Variants in HPSE2 observed in about 807,000 individuals in gnomAD.
HPSE2 encodes the protein heparanase 2 (inactive).
A neutral mutation model predicts 60.5 loss-of-function variants in HPSE2; 38 were observed. That is an observed-to-expected ratio of 0.63 (90% CI 0.48 to 0.82). The LOEUF is 0.82. Ranked by LOEUF, HPSE2 falls within the 40% of genes least tolerant of loss-of-function variation. The pLI, the probability that HPSE2 is intolerant of heterozygous loss-of-function variation, is 0.00. For missense variants in HPSE2, 713 were observed against 740.4 expected, an observed-to-expected ratio of 0.96 and a Z score of 0.43; for synonymous variants, 295 against 293.2, an observed-to-expected ratio of 1.01 and a Z score of -0.06.
chr10:98,879,595 T>C (rs1156956768), intron 3 of HPSE2, among the ~76,000 whole-genome samples: 1 of 151,994 alleles, frequency 6.6e-6, no homozygotes, highest in East Asian at 1.9e-4. Flanking sequence ...ATGTGTATCC[T>C]GGCAAAATAA....
At chr10:99,285,476 A>AAGGGAGGG in the HPSE2 span, among the ~76,000 whole-genome samples, 4,718 of 96,946 alleles carry the variant, frequency 0.049, 328 homozygotes, top group African/African-American at 0.16. Context: ...GGAAGGAAGG[A>AAGGGAGGG]AGGGAGGGAG....
rs549134615 is a variant in HPSE2 at position 98,910,768 on chromosome 10, C to T, written c.611-166712G>A. ...AGATCTTGAACTCATGTCGGCTGAT[C>T]ATATCCAGTTGTTTTCCACTATACC... On this transcript the variant is annotated intron_variant, in intron 3 of 11. Transcript: ENST00000370552. 7.9e-5 allele frequency among the ~76,000 whole-genome samples: 12 copies of T among 152,236 alleles called. No homozygotes were observed. In the East Asian group the frequency reaches 2.3e-3, roughly 29 times the overall value.
chr10:98,803,145 T>C (rs1950957006), intron 3 of HPSE2, among the ~76,000 whole-genome samples: 1 of 151,882 alleles, frequency 6.6e-6, no homozygotes, highest in African/African-American at 2.4e-5. Context: ...GTTCATGTCC[T>C]TTGCCCACTT....
At chr10:99,052,689 T>A (rs1438505566) in intron 3 of HPSE2, among the ~76,000 whole-genome samples, 1 of 151,646 alleles carries the variant, frequency 6.6e-6, no homozygotes, top group African/African-American at 2.4e-5. Flanking sequence ...ACATCACATA[T>A]AAAGGAGGAA....
the HPSE2 span, among the ~76,000 whole-genome samples, chr10:99,311,740 A>G: frequency 6.6e-6 from 1 of 152,226 alleles, no homozygotes; most frequent in Non-Finnish European, 1.5e-5. Context: ...CACATCTTTC[A>G]CTTTGAATCA....
At chr10:99,132,202 AGAGAGAGAGAGAGAGAGAG>A (rs1845445325) in intron 3 of HPSE2, among the ~76,000 whole-genome samples, 1 of 19,658 alleles carries the variant, frequency 5.1e-5, no homozygotes, top group African/African-American at 8.4e-5. Context: ...AGAGAGAGAG[AGAGAGAGAGAGAGAGAGAG>A]AGAGAGAGAG....
intron 3 of HPSE2, among the ~76,000 whole-genome samples, chr10:98,938,798 T>C (rs1345644866): frequency 7.0e-6 from 1 of 142,614 alleles, no homozygotes; most frequent in Non-Finnish European, 1.5e-5. Context: ...TTCACCAAAG[T>C]TGAAATGAAG....
intron 3 of HPSE2, among the ~76,000 whole-genome samples, chr10:99,069,602 C>T (rs1286801286): frequency 6.6e-6 from 1 of 150,538 alleles, no homozygotes; most frequent in Non-Finnish European, 1.5e-5. Context: ...TTGTTACACG[C>T]TCACTACAGT....
intron 3 of HPSE2, among the ~76,000 whole-genome samples, chr10:98,906,042 G>A (rs1330380261): frequency 6.6e-6 from 1 of 152,130 alleles, no homozygotes; most frequent in Non-Finnish European, 1.5e-5. Flanking sequence ...AGGTCTTGCT[G>A]CCTGCATCCA....
At chr10:98,556,136 A>G (rs911707815) in intron 9 of HPSE2, among the ~76,000 whole-genome samples, 22 of 152,192 alleles carry the variant, frequency 1.4e-4, no homozygotes, top group Non-Finnish European at 2.5e-4. Flanking sequence ...GACAGTGATA[A>G]AGAAAGGGGT....
At chr10:98,683,631 A>C (rs1210939168) in intron 6 of HPSE2, among the ~76,000 whole-genome samples, 1 of 151,948 alleles carries the variant, frequency 6.6e-6, no homozygotes, top group Non-Finnish European at 1.5e-5. Flanking sequence ...AAGGAGGTTT[A>C]TCAGAAAAGA....
chr10:98,599,936 T>C (rs1336403967), intron 9 of HPSE2, among the ~76,000 whole-genome samples: 1 of 152,196 alleles, frequency 6.6e-6, no homozygotes, highest in African/African-American at 2.4e-5. Context: ...GTCATTACAT[T>C]GATGTGTAGT....
chr10:99,275,317 A>C, the HPSE2 span, among the ~76,000 whole-genome samples: 1 of 152,052 alleles, frequency 6.6e-6, no homozygotes, highest in Non-Finnish European at 1.5e-5. Context: ...TCTTTAGTAC[A>C]TCTCTGTTTT....
At chr10:99,059,484 G>A (rs1589591424) in intron 3 of HPSE2, among the ~76,000 whole-genome samples, 1 of 152,142 alleles carries the variant, frequency 6.6e-6, no homozygotes, top group East Asian at 1.9e-4. Flanking sequence ...AGAAAAAGTA[G>A]TCTCTTGGTG....
intron 3 of HPSE2, among the ~76,000 whole-genome samples, chr10:98,757,512 A>T (rs1255220953): frequency 1.3e-5 from 2 of 152,140 alleles, no homozygotes. Flanking sequence ...ATATACAAAA[A>T]TCAGTAGGAT....
intron 3 of HPSE2, among the ~76,000 whole-genome samples, chr10:98,864,615 T>C (rs991545799): frequency 6.6e-6 from 1 of 152,166 alleles, no homozygotes; most frequent in African/African-American, 2.4e-5. Context: ...AAGGACTGAG[T>C]GGAAACACTA....
intron 9 of HPSE2, among the ~76,000 whole-genome samples, chr10:98,514,438 A>ATG (rs1942522789): frequency 6.6e-6 from 1 of 152,186 alleles, no homozygotes; most frequent in Non-Finnish European, 1.5e-5. Flanking sequence ...TGTTATATAT[A>ATG]TTTTACCACA....
At chr10:99,028,087 G>T (rs1957418376) in intron 3 of HPSE2, among the ~76,000 whole-genome samples, 1 of 152,080 alleles carries the variant, frequency 6.6e-6, no homozygotes, top group Non-Finnish European at 1.5e-5. Flanking sequence ...CTAAGATTTG[G>T]AACATGACAA....
intron 9 of HPSE2, among the ~76,000 whole-genome samples, chr10:98,535,819 C>A (rs1255903524): frequency 6.6e-6 from 1 of 152,170 alleles, no homozygotes; most frequent in Admixed American, 6.5e-5. Context: ...CAGATGAGAA[C>A]CAGGCACTGG....
Sources: allele counts gnomAD v4.1 joint callset (sites outside exome capture counted in the v4.1 genomes callset), GRCh38; gene constraint gnomAD v4.1.1; transcripts MANE v1.5; gene names NCBI Gene and HGNC (gene_info 2026-07-23, HGNC 2026-07-21).